Variants in FGF8 observed in about 807,000 individuals in gnomAD.
FGF8 encodes androgen-induced growth factor.
A neutral mutation model predicts 29.7 loss-of-function variants in FGF8; 12 were observed. The observed-to-expected ratio is 0.40, with a 90% CI of 0.26 to 0.65. The LOEUF is 0.65. Among genes scored for constraint, FGF8 ranks in the 30% least tolerant of loss-of-function variants. The pLI, the probability that FGF8 is intolerant of heterozygous loss-of-function variation, is 0.37. For synonymous variants in FGF8, 157 were observed against 144.4 expected (o/e 1.09, Z -0.63); for missense variants, 271 against 345.1 (o/e 0.79, Z 1.70).
chr10:101,775,013 C>A lies in FGF8; in HGVS notation c.157-101G>T, dbSNP rs997319184. Reference sequence around the variant, plus strand: ...CTGCGTCCCCCTCACTGCCCCAAGCCGCCAGCAGGTGCTGGGGGTTCCCCC... The same window carrying A: ...CTGCGTCCCCCTCACTGCCCCAAGCAGCCAGCAGGTGCTGGGGGTTCCCCC... On this transcript the variant is annotated intron_variant, in intron 3 of 5. Coordinates refer to ENST00000320185, the MANE Select transcript of FGF8 (RefSeq NM_033163.5). The surrounding 1 kb of genome is among the most constrained non-coding windows in gnomAD (Gnocchi z 4.6). 5.9e-6 allele frequency: 9 copies of A among 1,520,052 alleles called. No individual in the cohort carries two copies. In the South Asian group the frequency reaches 1.0e-4, roughly 18 times the overall value. 94.2% of individuals were successfully genotyped at this position (1,520,052 alleles called of 1,614,324 possible). A position where few individuals can be genotyped will look rare whatever the true frequency, so the allele number is the denominator to read the frequency against.
rs2134990660 is a variant in FGF8, at chr10:101,771,042, G to A, written c.444+421C>T. On this transcript the variant is annotated intron_variant, in intron 5 of 5. Transcript: ENST00000320185. This position sits in a 1 kb window ranked among gnomAD's most constrained non-coding sequence, Gnocchi z 5.3. Reference sequence around the variant, plus strand: ...AGATGCTAAGACCCCAGCCCCAGAAGCCCAGGAAGTGGGGAGCTCGAGGCT... The same window carrying A: ...AGATGCTAAGACCCCAGCCCCAGAAACCCAGGAAGTGGGGAGCTCGAGGCT... Among the ~76,000 whole-genome samples the A allele has an allele frequency of 6.6e-6, 1 of 152,064 alleles. No homozygotes were observed. Among genetic ancestry groups the A allele is most frequent in the East Asian group, 1.9e-4 (1 of 5,164 alleles).
upstream of FGF8, among the ~76,000 whole-genome samples, chr10:101,777,826 T>C (rs2065111468): frequency 6.6e-6 from 1 of 152,270 alleles, no homozygotes; most frequent in East Asian, 1.9e-4. Flanking sequence ...TATTTGCAAC[T>C]TCCCCAGGAA....
upstream of FGF8, among the ~76,000 whole-genome samples, chr10:101,777,369 C>T (rs180857531): frequency 1.1e-4 from 16 of 152,314 alleles, no homozygotes; most frequent in Non-Finnish European, 2.2e-4. Context: ...CCTCCATTCC[C>T]CTGGGGGTAG....
chr10:101,774,259 C>CA (rs1479966111), intron 4 of FGF8, among the ~76,000 whole-genome samples: 3 of 152,222 alleles, frequency 2.0e-5, no homozygotes, highest in African/African-American at 7.2e-5. Flanking sequence ...AGCCCCCTTC[C>CA]AAGCCCAGTT....
chr10:101,776,677 G>A (rs947376167), upstream of FGF8, among the ~76,000 whole-genome samples: 1 of 152,020 alleles, frequency 6.6e-6, no homozygotes, highest in African/African-American at 2.4e-5. Context: ...TGCGCACCCG[G>A]CCCTCGCGCA....
intron 4 of FGF8, among the ~76,000 whole-genome samples, chr10:101,773,673 G>A (rs1384198366): frequency 1.3e-5 from 2 of 152,118 alleles, no homozygotes; most frequent in East Asian, 1.9e-4. Flanking sequence ...AAAATGCAGC[G>A]AGACATACTC....
rs905454212 is a variant in FGF8 at position 101,772,111 on chromosome 10, C to T, written c.338-542G>A. Among the ~76,000 whole-genome samples the T allele has an allele frequency of 6.6e-6, 1 of 152,200 alleles. No individual in the cohort carries two copies. The highest frequency in any genetic ancestry group is 6.5e-5 in the Admixed American group (1 of 15,288). Reference sequence around the variant, plus strand: ...TTCTAACTCACAGCTTTGGCCACCCCCAGCCCCTCAACATCACCAGGCTCT... The same window carrying T: ...TTCTAACTCACAGCTTTGGCCACCCTCAGCCCCTCAACATCACCAGGCTCT... On this transcript the variant is annotated intron_variant, in intron 4 of 5. Transcript: ENST00000320185. This position sits in a 1 kb window ranked among gnomAD's most constrained non-coding sequence, Gnocchi z 4.4.
At chr10:101,778,543 C>A (rs533182734), upstream of FGF8, among the ~76,000 whole-genome samples, 1 of 152,218 alleles carries the variant, frequency 6.6e-6, no homozygotes, top group Non-Finnish European at 1.5e-5. Flanking sequence ...CTGAAGGGTC[C>A]GAGGTCAAGT....
At chr10:101,770,771 C>T (rs2065013011) in intron 5 of FGF8, 152 bp from the exon 6 acceptor site, 9 of 810,030 alleles carry the variant, frequency 1.1e-5, no homozygotes, top group Non-Finnish European at 1.8e-5. Context: ...GCTCTCTAAT[C>T]CCTCACAACT....
intron 4 of FGF8, among the ~76,000 whole-genome samples, chr10:101,773,705 A>G (rs1382203145): frequency 1.3e-5 from 2 of 152,210 alleles, no homozygotes; most frequent in African/African-American, 4.8e-5. Context: ...CTGGCTCAAG[A>G]AGAGGAGAAA....
chr10:101,779,237 G>T (rs1330635416), upstream of FGF8, among the ~76,000 whole-genome samples: 1 of 152,220 alleles, frequency 6.6e-6, no homozygotes, highest in African/African-American at 2.4e-5. The surrounding 1 kb of genome is among the most constrained non-coding windows in gnomAD (Gnocchi z 5.7). Flanking sequence ...CGTTCAAAGC[G>T]CCGCGGACTC....
At chr10:101,777,579 A>C (rs1423841127), upstream of FGF8, among the ~76,000 whole-genome samples, 3 of 152,178 alleles carry the variant, frequency 2.0e-5, no homozygotes, top group Non-Finnish European at 2.9e-5. Flanking sequence ...GTGCGTTCCA[A>C]GATCTTATCC....
Position 101,772,896 on chromosome 10 carries a change from C to T in FGF8, c.338-1327G>A, listed in dbSNP as rs1409284054. ...CCTAGCCAGTCTGCTCATCCCTCTC[C>T]CGCTCTGCCTTCCACAGCAAGAGGC... On this transcript the variant is annotated intron_variant, in intron 4 of 5. Coordinates refer to ENST00000320185, the MANE Select transcript of FGF8 (RefSeq NM_033163.5). The surrounding 1 kb of genome is among the most constrained non-coding windows in gnomAD (Gnocchi z 4.4). Among the ~76,000 whole-genome samples the T allele has an allele frequency of 6.6e-6, 1 of 152,236 alleles. No individual in the cohort carries two copies. The highest frequency in any genetic ancestry group is 1.5e-5 in the Non-Finnish European group (1 of 68,044).
chr10:101,775,365 G>A lies in FGF8; in HGVS notation c.70-149C>T. 1 of 655,776 alleles carries A rather than the reference G, an allele frequency of 1.5e-6. No individual in the cohort carries two copies. 40.6% of individuals were successfully genotyped at this position (655,776 alleles called of 1,614,324 possible). On this transcript the variant is annotated intron_variant, in intron 2 of 5. Coordinates refer to ENST00000320185, the MANE Select transcript of FGF8 (RefSeq NM_033163.5). This position sits in a 1 kb window ranked among gnomAD's most constrained non-coding sequence, Gnocchi z 4.6. ...AATCGGCCACAAGCCTCCCCCGAGG[G>A]GCGCTGAGAGGGTCTCTGCTGCAGT...
chr10:101,771,667 G>T lies in FGF8; in HGVS notation c.338-98C>A, dbSNP rs1002327496. 10 of 939,486 alleles carry T rather than the reference G, an allele frequency of 1.1e-5. No homozygotes were observed. Among genetic ancestry groups the T allele is most frequent in the Admixed American group, 1.9e-5 (1 of 53,406 alleles). The allele number at this position is 939,486 out of a possible 1,614,324, so 58.2% of individuals were successfully genotyped here. A position where few individuals can be genotyped will look rare whatever the true frequency, so the allele number is the denominator to read the frequency against. Reference sequence around the variant, plus strand: ...CAGCAGCAACTGCTCCAAAGACCAGGAACCCAAAACATGGACTCCAGCTCC... The same window carrying T: ...CAGCAGCAACTGCTCCAAAGACCAGTAACCCAAAACATGGACTCCAGCTCC... On this transcript the variant is annotated intron_variant, in intron 4 of 5. Coordinates refer to ENST00000320185, the MANE Select transcript of FGF8 (RefSeq NM_033163.5). This position sits in a 1 kb window ranked among gnomAD's most constrained non-coding sequence, Gnocchi z 5.3.
intron 4 of FGF8, among the ~76,000 whole-genome samples, chr10:101,773,483 T>A (rs974826286): frequency 9.0e-6 from 1 of 111,348 alleles, no homozygotes; most frequent in African/African-American, 3.5e-5. Flanking sequence ...CTCTCTCCCA[T>A]GTCGGTTGAA....
Position 101,775,612 on chromosome 10 carries a change from G to T in FGF8, c.69+128C>A. 9.3e-7 allele frequency: 1 copy of T among 1,079,386 alleles called. No individual in the cohort carries two copies. The highest frequency in any genetic ancestry group is 1.3e-6 in the Non-Finnish European group (1 of 754,302). The allele number at this position is 1,079,386 out of a possible 1,614,324, so 66.9% of individuals were successfully genotyped here. A position where few individuals can be genotyped will look rare whatever the true frequency, so the allele number is the denominator to read the frequency against. ...TCCCTCCTCGGGGTGGCTCGGGGCT[G>T]GGTTTCTAAGGTGCCCTCAGCCCTC... On this transcript the variant is annotated intron_variant, in intron 2 of 5. Coordinates refer to ENST00000320185, the MANE Select transcript of FGF8 (RefSeq NM_033163.5). This position sits in a 1 kb window ranked among gnomAD's most constrained non-coding sequence, Gnocchi z 4.6.
At chr10:101,776,445 CG>C (rs1203121856), upstream of FGF8, among the ~76,000 whole-genome samples, 12 of 150,504 alleles carry the variant, frequency 8.0e-5, no homozygotes, top group African/African-American at 2.7e-4. Flanking sequence ...TCCCCGGTCC[CG>C]GACGCGCGGG....
At chr10:101,774,128 T>C (rs1054145456) in intron 4 of FGF8, among the ~76,000 whole-genome samples, 2 of 152,188 alleles carry the variant, frequency 1.3e-5, no homozygotes, top group Admixed American at 6.5e-5. Flanking sequence ...ATATTGAATG[T>C]TTTAGAAATC....
Sources: allele counts gnomAD v4.1 joint callset (sites outside exome capture counted in the v4.1 genomes callset), GRCh38; gene constraint gnomAD v4.1.1; non-coding constraint Gnocchi (gnomAD v3.1); transcripts MANE v1.5; gene names NCBI Gene and HGNC (gene_info 2026-07-23, HGNC 2026-07-21).